Variants in FGF13 observed in about 807,000 individuals in gnomAD.
The protein encoded by FGF13 is fibroblast growth factor 13.
FGF13 carries 2 observed loss-of-function variants against 19.5 expected under a neutral mutation model. The observed-to-expected ratio is 0.10, with a 90% CI of 0.04 to 0.32. The LOEUF (loss-of-function observed/expected upper bound fraction) is 0.32, where lower values mean the gene tolerates loss of function less well. Ranked by LOEUF, FGF13 falls within the 10% of genes least tolerant of loss-of-function variation. FGF13 has a pLI of 1.00. For missense variants in FGF13, 113 were observed against 192.7 expected, an observed-to-expected ratio of 0.59 and a Z score of 2.45; for synonymous variants, 72 against 76.9, an observed-to-expected ratio of 0.94 and a Z score of 0.33.
intron 3 of FGF13, among the ~76,000 whole-genome samples, chrX:138,796,291 A>G (rs2090777746): frequency 9.1e-6 from 1 of 109,870 alleles, no homozygotes; most frequent in Non-Finnish European, 1.9e-5. Flanking sequence ...TTATTGTTCA[A>G]CTCCCACTTA....
chrX:138,664,982 G>A (rs2124158610), intron 3 of FGF13, among the ~76,000 whole-genome samples: 1 of 110,923 alleles, frequency 9.0e-6, no homozygotes, highest in South Asian at 3.9e-4. Context: ...GGTATGCTCG[G>A]TCCAATGAGC....
intron 1 of FGF13, among the ~76,000 whole-genome samples, chrX:138,981,166 G>T (rs2091961895): frequency 9.0e-6 from 1 of 111,122 alleles, no homozygotes; most frequent in Non-Finnish European, 1.9e-5. Flanking sequence ...AAAGCTTTTT[G>T]GACAAAGTAG....
intron 1 of FGF13, among the ~76,000 whole-genome samples, chrX:139,159,793 T>C (rs6528595): frequency 0.12 from 12,993 of 110,284 alleles, 1,279 homozygotes; most frequent in African/African-American, 0.33. Context: ...GAGCTAACTA[T>C]CCTAAATATA....
chrX:139,174,429 C>G lies in FGF13; in HGVS notation c.-113+28987G>C, dbSNP rs146974973. On this transcript the variant is annotated intron_variant, in intron 1 of 2. Transcript: ENST00000421460. ...GAATTAGATCCCATTTGTCAATTTTCGCTTTTGTTGCCATTGCTTTTGGTA... is the reference window on the plus strand; with the variant it reads ...GAATTAGATCCCATTTGTCAATTTTGGCTTTTGTTGCCATTGCTTTTGGTA... 3.7e-3 allele frequency among the ~76,000 whole-genome samples: 419 copies of G among 111,986 alleles called. 2 individuals carry two copies. Among genetic ancestry groups the G allele is most frequent in the African/African-American group, 0.013 (386 of 30,838 alleles).
chrX:138,937,352 G>A (rs765571752), intron 1 of FGF13, among the ~76,000 whole-genome samples: 1 of 111,773 alleles, frequency 8.9e-6, no homozygotes, highest in South Asian at 3.8e-4. Context: ...ACACAGGCTA[G>A]ATATGAACCC....
At chrX:139,181,619 G>A (rs1344330118) in intron 1 of FGF13, among the ~76,000 whole-genome samples, 1 of 112,515 alleles carries the variant, frequency 8.9e-6, no homozygotes, top group Non-Finnish European at 1.9e-5. Context: ...CACTCCATGA[G>A]CATCAATGGC....
At chrX:138,981,382 T>A (rs1051133499) in intron 1 of FGF13, among the ~76,000 whole-genome samples, 12 of 109,243 alleles carry the variant, frequency 1.1e-4, no homozygotes, top group Non-Finnish European at 1.9e-4. Flanking sequence ...AGGAGGGTTA[T>A]CCTGATGAGA....
chrX:139,047,332 T>G (rs7891909), intron 1 of FGF13, among the ~76,000 whole-genome samples: 1,623 of 112,023 alleles, frequency 0.014, 37 homozygotes, highest in African/African-American at 0.051. Flanking sequence ...AATTAACACA[T>G]CCATATCCAT....
chrX:139,016,310 T>C (rs2092152630), intron 1 of FGF13, among the ~76,000 whole-genome samples: 1 of 111,618 alleles, frequency 9.0e-6, no homozygotes, highest in Non-Finnish European at 1.9e-5. Flanking sequence ...GGGGGGAAAG[T>C]ACTATTATCT....
chrX:139,200,860 G>A (rs778012525), intron 1 of FGF13, among the ~76,000 whole-genome samples: 1 of 112,344 alleles, frequency 8.9e-6, no homozygotes, highest in Non-Finnish European at 1.9e-5. Flanking sequence ...TTTTCCAACA[G>A]AAGACTGCTG....
In FGF13 at chrX:139,112,971, A is replaced by AGTGTGT. The variant is rs748975156; in HGVS notation, c.-113+90439_-113+90444dup. ...TAGTGAATTAATTACTTGATTATGT[A>AGTGTGT]GTGTGTGTGTGTGTGTGTGTGTGTG... On this transcript the variant is annotated intron_variant, in intron 1 of 2. Coordinates refer to the FGF13 transcript ENST00000421460. Among the ~76,000 whole-genome samples the AGTGTGT allele has an allele frequency of 9.1e-3, 802 of 87,729 alleles. 9 individuals are homozygous for AGTGTGT. Among genetic ancestry groups the AGTGTGT allele is most frequent in the Middle Eastern group, 0.019 (3 of 159 alleles). The allele number at this position is 87,729 out of a possible 115,157, so 76.2% of individuals were successfully genotyped here.
intron 1 of FGF13, among the ~76,000 whole-genome samples, chrX:138,906,715 AT>A (rs1344317989): frequency 3.6e-5 from 4 of 110,694 alleles, no homozygotes; most frequent in South Asian, 3.9e-4. Flanking sequence ...TAGGCCACCT[AT>A]TTTTTTTCTA....
chrX:139,182,887 G>A (rs1182177148), intron 1 of FGF13, among the ~76,000 whole-genome samples: 1 of 111,382 alleles, frequency 9.0e-6, no homozygotes, highest in African/African-American at 3.3e-5. Context: ...ACTCCAACAA[G>A]CTTAGTGGGT....
At chrX:138,854,001 A>G (rs1340609399), downstream of FGF13, among the ~76,000 whole-genome samples, 1 of 112,000 alleles carries the variant, frequency 8.9e-6, no homozygotes, top group Non-Finnish European at 1.9e-5. Flanking sequence ...TTTGGCACAA[A>G]TGCCATAGGA....
intron 1 of FGF13, among the ~76,000 whole-genome samples, chrX:138,984,693 GAGA>G (rs778061986): frequency 9.8e-5 from 7 of 71,790 alleles, no homozygotes; most frequent in Admixed American, 1.7e-4. Context: ...GAAGAAGGAG[GAGA>G]AGAAGAAGAA....
chrX:139,124,019 C>T (rs143980862), intron 1 of FGF13, among the ~76,000 whole-genome samples: 693 of 111,888 alleles, frequency 6.2e-3, no homozygotes, highest in Middle Eastern at 9.3e-3. Flanking sequence ...TTATTCAAAC[C>T]GACCAATCAC....
chrX:139,064,184 G>A (rs1006692142), intron 1 of FGF13, among the ~76,000 whole-genome samples: 2 of 106,367 alleles, frequency 1.9e-5, no homozygotes, highest in African/African-American at 3.4e-5. Flanking sequence ...TATTTGTCTG[G>A]TGTTTATTTT....
chrX:139,124,759 C>T (rs754596706), intron 1 of FGF13, among the ~76,000 whole-genome samples: 10 of 112,144 alleles, frequency 8.9e-5, no homozygotes, highest in Non-Finnish European at 1.5e-4. Context: ...GGAGTGCAGT[C>T]CAGAGTTGGT....
At chrX:139,111,749 G>T (rs2083603890) in intron 1 of FGF13, among the ~76,000 whole-genome samples, 2 of 111,636 alleles carry the variant, frequency 1.8e-5, no homozygotes, top group South Asian at 7.5e-4. Flanking sequence ...CACCCAAAAT[G>T]AACAGTACAT....
Sources: allele counts gnomAD v4.1 joint callset (sites outside exome capture counted in the v4.1 genomes callset), GRCh38; gene constraint gnomAD v4.1.1; transcripts MANE v1.5; gene names NCBI Gene and HGNC (gene_info 2026-07-23, HGNC 2026-07-21).